Variants in ARSK observed in about 807,000 individuals in gnomAD.
ARSK encodes the protein arylsulfatase K.
A neutral mutation model predicts 53.2 loss-of-function variants in ARSK; 37 were observed. The ratio of observed to expected loss-of-function variants is 0.70; its 90% CI spans 0.54 to 0.92. The LOEUF (loss-of-function observed/expected upper bound fraction) is 0.92, where lower values mean the gene tolerates loss of function less well. Among genes scored for constraint, ARSK ranks in the 40% least tolerant of loss-of-function variants. The pLI is 0.00. For missense variants in ARSK, 613 were observed against 643.0 expected (o/e 0.95, Z 0.51); for synonymous variants, 208 against 223.2 (o/e 0.93, Z 0.61).
At chr5:95,574,117 G>C (rs564725603) in intron 3 of ARSK, among the ~76,000 whole-genome samples, 1 of 152,152 alleles carries the variant, frequency 6.6e-6, no homozygotes, top group South Asian at 2.1e-4. Context: ...TCTGTGCCTG[G>C]CTTATTTCAC....
At chr5:95,572,118 A>G (rs1021302840) in intron 3 of ARSK, among the ~76,000 whole-genome samples, 9 of 152,170 alleles carry the variant, frequency 5.9e-5, no homozygotes, top group South Asian at 2.1e-4. Context: ...GTACCAGTTT[A>G]GGAACACTAA....
chr5:95,586,385 G>C (rs545961881), intron 4 of ARSK, among the ~76,000 whole-genome samples, 177 bp from the exon 5 acceptor site: 4 of 152,162 alleles, frequency 2.6e-5, no homozygotes, highest in South Asian at 2.1e-4. Context: ...TGTTATGACA[G>C]TATTAACAAT....
At position 95,591,526 on chromosome 5, in the gene ARSK, A is replaced by G; in HGVS notation, c.997A>G (p.Ser333Gly). The G allele has an allele frequency of 6.2e-7, 1 of 1,606,440 alleles. No homozygotes were observed. The highest frequency in any genetic ancestry group is 8.5e-7 in the Non-Finnish European group (1 of 1,173,050). Residue 333 changes from serine to glycine, a missense_variant, in exon 6 of 8, where the codon AGT becomes GGT. Ser to Gly is a moderately conservative substitution (Grantham distance 56, BLOSUM62 0). Coordinates refer to ENST00000380009, the MANE Select transcript of ARSK (RefSeq NM_198150.3). ...TTATAAAATGAGCATGTACGAGGCT[A>G]GTGCACATGTTCCGCTTTTGATGAT... ...QFYKMSMYEA[S>G]AHVPLLMMGP...
rs141579679 is a variant in ARSK, at chr5:95,579,814, C to CT, written c.417-3101dup. On this transcript the variant is annotated intron_variant, in intron 3 of 7. Coordinates refer to ENST00000380009, the MANE Select transcript of ARSK (RefSeq NM_198150.3). ...GATATAATGAAACACTGAAGCCTCT[C>CT]TAAGTTTGTAGAGGACAATCTTCTT... Among the ~76,000 whole-genome samples the CT allele has an allele frequency of 4.8e-3, 724 of 152,322 alleles. 3 individuals are homozygous for CT. Among genetic ancestry groups the CT allele is most frequent in the African/African-American group, 0.016 (678 of 41,560 alleles).
chr5:95,587,347 T>C (rs1749135683), intron 5 of ARSK, among the ~76,000 whole-genome samples: 1 of 152,228 alleles, frequency 6.6e-6, no homozygotes, highest in Non-Finnish European at 1.5e-5. Flanking sequence ...AGTTCATGTG[T>C]GGAAAAACCC....
chr5:95,563,649 C>T (rs1454462523), intron 1 of ARSK, among the ~76,000 whole-genome samples: 3 of 152,222 alleles, frequency 2.0e-5, no homozygotes, highest in South Asian at 2.1e-4. Flanking sequence ...TAATCTGACA[C>T]ATTAGTTATT....
intron 1 of ARSK, among the ~76,000 whole-genome samples, chr5:95,562,387 G>A (rs1314252167): frequency 6.6e-6 from 1 of 152,182 alleles, no homozygotes; most frequent in East Asian, 1.9e-4. Context: ...GCAGGGGAGA[G>A]TAGGTACAGG....
intron 5 of ARSK, 75 bp downstream of exon 5, chr5:95,586,808 C>A: frequency 7.8e-7 from 1 of 1,278,452 alleles, no homozygotes; most frequent in Non-Finnish European, 1.1e-6. Flanking sequence ...AATCATGCTG[C>A]TTGGTGACTT....
intron 5 of ARSK, 34 bp downstream of exon 5, chr5:95,586,767 G>T (rs1274164414): frequency 2.0e-6 from 3 of 1,512,408 alleles, no homozygotes; most frequent in African/African-American, 1.4e-5. Flanking sequence ...ATTACATGAA[G>T]AAAAATTATA....
At position 95,555,191 on chromosome 5, in the gene ARSK, T is replaced by G. The variant is rs1748462469; in HGVS notation, c.-88T>G. 5.3e-6 allele frequency: 7 copies of G among 1,319,930 alleles called. 1 individual carries two copies. The highest frequency in any genetic ancestry group is 7.2e-6 in the Non-Finnish European group (7 of 973,328). The allele number at this position is 1,319,930 out of a possible 1,614,324, so 81.8% of individuals were successfully genotyped here. On this transcript the variant is annotated 5_prime_UTR_variant, in exon 1 of 8. Transcript: ENST00000380009. This position sits in a 1 kb window ranked among gnomAD's most constrained non-coding sequence, Gnocchi z 4.0. ...ACCAAACTGCAAGCTTTGGGAGTTG[T>G]TCGCTGTCCCTGCCCTGCTCTGCTA... is the stretch of plus-strand genomic sequence containing the variant.
intron 4 of ARSK, 58 bp downstream of exon 4, chr5:95,583,256 T>C: frequency 7.4e-7 from 1 of 1,347,510 alleles, no homozygotes; most frequent in Non-Finnish European, 9.8e-7. Flanking sequence ...CTTATTGGTA[T>C]TTGCTCATTG....
chr5:95,590,571 A>G (rs1412472440), intron 5 of ARSK, among the ~76,000 whole-genome samples: 1 of 152,160 alleles, frequency 6.6e-6, no homozygotes, highest in Non-Finnish European at 1.5e-5. Flanking sequence ...AAAAATCAAG[A>G]GAGTCTCAAC....
chr5:95,567,068 TCAC>T, intron 2 of ARSK, among the ~76,000 whole-genome samples: 14 of 152,210 alleles, frequency 9.2e-5, no homozygotes, highest in African/African-American at 3.1e-4. Context: ...CTCAAGCAAG[TCAC>T]TCAGTCTTCT....
intron 4 of ARSK, among the ~76,000 whole-genome samples, chr5:95,584,045 G>C (rs1463343425): frequency 6.6e-6 from 1 of 152,122 alleles, no homozygotes; most frequent in African/African-American, 2.4e-5. Context: ...AACATTCCCA[G>C]CTCCGCTATT....
rs190934292 is a variant in ARSK at position 95,577,160 on chromosome 5, C to T, written c.417-5756C>T. Among the ~76,000 whole-genome samples, 167 of 152,284 alleles carry T rather than the reference C, an allele frequency of 1.1e-3. 2 individuals are homozygous for T. The highest frequency in any genetic ancestry group is 9.1e-4 in the Non-Finnish European group (62 of 68,024). ...CAACAGATAATCTGGCAATAACCCA[C>T]CCGCTTTATTTTTTCAGATTTGATG... On this transcript the variant is annotated intron_variant, in intron 3 of 7. Coordinates refer to ENST00000380009, the MANE Select transcript of ARSK (RefSeq NM_198150.3).
At chr5:95,560,020 AT>A (rs1352111870) in intron 1 of ARSK, among the ~76,000 whole-genome samples, 2 of 152,346 alleles carry the variant, frequency 1.3e-5, no homozygotes, top group East Asian at 3.8e-4. Context: ...AATAAATTGT[AT>A]TTTATATACT....
chr5:95,593,151 C>T (rs1304757090), intron 6 of ARSK, among the ~76,000 whole-genome samples: 4 of 152,042 alleles, frequency 2.6e-5, no homozygotes, highest in African/African-American at 9.7e-5. Context: ...TCATGTAGAA[C>T]TCTCCCTACC....
At chr5:95,563,464 C>T (rs1387284317) in intron 1 of ARSK, among the ~76,000 whole-genome samples, 1 of 152,168 alleles carries the variant, frequency 6.6e-6, no homozygotes, top group Non-Finnish European at 1.5e-5. Context: ...ACATAGATCA[C>T]CTTTCACTGA....
intron 1 of ARSK, among the ~76,000 whole-genome samples, chr5:95,557,695 C>T (rs993696169): frequency 1.4e-4 from 22 of 152,170 alleles, no homozygotes; most frequent in African/African-American, 3.4e-4. Flanking sequence ...TTTATCATTT[C>T]TAAAACTCTG....
Sources: gnomAD v4.1 joint callset for allele counts (sites outside exome capture counted in the v4.1 genomes callset) on GRCh38, gnomAD v4.1.1 for gene constraint, Gnocchi (gnomAD v3.1) non-coding constraint, MANE v1.5 for transcripts, NCBI Gene and HGNC (gene_info 2026-07-23, HGNC 2026-07-21) for gene names.